PRELID2: variants seen among roughly 807,000 people sequenced by gnomAD.
PRELID2 encodes the protein PRELI domain-containing protein 2.
A neutral mutation model predicts 28.4 loss-of-function variants in PRELID2; 25 were observed. The observed-to-expected ratio is 0.88, with a 90% CI of 0.64 to 1.23. The LOEUF is 1.23. Among genes scored for constraint, PRELID2 ranks in the 50% most tolerant of loss-of-function variants. PRELID2 has a pLI of 0.00. For missense variants in PRELID2, 201 were observed against 214.4 expected, an observed-to-expected ratio of 0.94 and a Z score of 0.39; for synonymous variants, 76 against 71.6, an observed-to-expected ratio of 1.06 and a Z score of -0.31.
Position 145,811,082 on chromosome 5 carries a change from C to CAAA in PRELID2, c.368+6809_368+6811dup, listed in dbSNP as rs56978118. On this transcript the variant is annotated intron_variant, in intron 4 of 6. Coordinates refer to ENST00000683046, the MANE Select transcript of PRELID2 (RefSeq NM_205846.3). ...AAGGCACGTCTTACATGGCAGCAGG[C>CAAA]AAAAAAAAAAAAAAAAAAAAAAAAA... is the stretch of plus-strand genomic sequence containing the variant. Among the ~76,000 whole-genome samples the CAAA allele has an allele frequency of 1.5e-4, 4 of 26,752 alleles. 1 individual carries two copies. The highest frequency in any genetic ancestry group is 2.7e-4 in the Non-Finnish European group (4 of 14,784). The allele number at this position is 26,752 out of a possible 152,430, so 17.6% of individuals were successfully genotyped here.
chr5:145,430,689 C>T, the PRELID2 span, among the ~76,000 whole-genome samples: 11 of 152,136 alleles, frequency 7.2e-5, no homozygotes, highest in South Asian at 2.1e-4. Context: ...TTTCTTATAC[C>T]GAATGTGGTA....
chr5:145,360,417 G>T, the PRELID2 span, among the ~76,000 whole-genome samples: 1 of 152,104 alleles, frequency 6.6e-6, no homozygotes, highest in South Asian at 2.1e-4. Flanking sequence ...CCACAGAGAT[G>T]CAAGAAAGGA....
chr5:145,232,777 C>T, the PRELID2 span, among the ~76,000 whole-genome samples: 1 of 152,004 alleles, frequency 6.6e-6, no homozygotes, highest in Non-Finnish European at 1.5e-5. Flanking sequence ...GTAATTTATT[C>T]TTTATTTCTG....
At chr5:145,719,311 C>A (rs1033347960) in intron 1 of PRELID2, among the ~76,000 whole-genome samples, 1 of 151,826 alleles carries the variant, frequency 6.6e-6, no homozygotes, top group Non-Finnish European at 1.5e-5. Flanking sequence ...AGAGTGACTG[C>A]AGGCTTTAAG....
At chr5:145,829,753 A>G (rs1755458559) in intron 1 of PRELID2, among the ~76,000 whole-genome samples, 1 of 152,246 alleles carries the variant, frequency 6.6e-6, no homozygotes, top group Admixed American at 6.5e-5. Flanking sequence ...CAGGAAGACA[A>G]AAGTGAAGAA....
the PRELID2 span, among the ~76,000 whole-genome samples, chr5:145,340,785 A>ATG: frequency 6.9e-6 from 1 of 144,564 alleles, no homozygotes; most frequent in Non-Finnish European, 1.5e-5. Context: ...ATATATATAT[A>ATG]TATATATATA....
chr5:145,267,486 CT>C, the PRELID2 span, among the ~76,000 whole-genome samples: 6 of 152,152 alleles, frequency 3.9e-5, no homozygotes, highest in African/African-American at 1.4e-4. Context: ...ATGACAGACT[CT>C]CATTCTTTTT....
At chr5:145,438,156 G>T in the PRELID2 span, among the ~76,000 whole-genome samples, 2 of 152,134 alleles carry the variant, frequency 1.3e-5, no homozygotes, top group Admixed American at 1.3e-4. Flanking sequence ...CAGAAAAAAA[G>T]TTCATTTAAA....
intron 1 of PRELID2, 38 bp downstream of exon 1, chr5:145,835,139 G>A: frequency 6.9e-7 from 1 of 1,445,644 alleles, no homozygotes; most frequent in Non-Finnish European, 9.5e-7. Flanking sequence ...AAGCAGCGGA[G>A]GCAGCGCGGG....
chr5:145,665,463 C>G (rs1318562367), intron 1 of PRELID2, among the ~76,000 whole-genome samples: 1 of 152,106 alleles, frequency 6.6e-6, no homozygotes, highest in Non-Finnish European at 1.5e-5. Context: ...TCTAAGTCAA[C>G]TTTTCTGCTT....
chr5:145,504,226 A>G (rs373528720), intron 1 of PRELID2, among the ~76,000 whole-genome samples: 1 of 152,192 alleles, frequency 6.6e-6, no homozygotes, highest in Non-Finnish European at 1.5e-5. Flanking sequence ...GGCTGGATCA[A>G]CTTAACCTCA....
At chr5:145,609,788 T>A (rs1303810072) in intron 1 of PRELID2, among the ~76,000 whole-genome samples, 1 of 152,150 alleles carries the variant, frequency 6.6e-6, no homozygotes, top group Non-Finnish European at 1.5e-5. Context: ...TGGCTACCAG[T>A]GGCAGGGATG....
intron 1 of PRELID2, among the ~76,000 whole-genome samples, chr5:145,638,775 T>TA (rs1320242420): frequency 4.6e-5 from 7 of 152,226 alleles, no homozygotes; most frequent in Non-Finnish European, 1.0e-4. Flanking sequence ...TCATCATTTG[T>TA]AAAAAATAAA....
chr5:145,441,985 G>T, the PRELID2 span, among the ~76,000 whole-genome samples: 1 of 152,086 alleles, frequency 6.6e-6, no homozygotes, highest in Non-Finnish European at 1.5e-5. Context: ...CATAGGAGAT[G>T]GCATTGCCAA....
intron 1 of PRELID2, among the ~76,000 whole-genome samples, chr5:145,833,772 G>A (rs421582): frequency 0.7 from 106,930 of 152,108 alleles, 39,347 homozygotes; most frequent in Non-Finnish European, 0.83. Flanking sequence ...TTTGGCTTCC[G>A]GGTTGCATAT....
downstream of PRELID2, among the ~76,000 whole-genome samples, chr5:145,755,904 G>A (rs566091090): frequency 3.3e-5 from 5 of 152,192 alleles, no homozygotes; most frequent in East Asian, 5.8e-4. Flanking sequence ...AACAAGGCAC[G>A]GAAACCCACC....
chr5:145,240,239 T>A, the PRELID2 span, among the ~76,000 whole-genome samples: 1 of 150,750 alleles, frequency 6.6e-6, no homozygotes, highest in Admixed American at 6.6e-5. Flanking sequence ...GCTTTATTGC[T>A]TTCTTTTTTT....
At chr5:145,271,429 T>C in the PRELID2 span, among the ~76,000 whole-genome samples, 1 of 152,002 alleles carries the variant, frequency 6.6e-6, no homozygotes, top group African/African-American at 2.4e-5. Flanking sequence ...TTGCCTAGGC[T>C]GGTTTCAAAC....
At chr5:145,241,950 A>T in the PRELID2 span, among the ~76,000 whole-genome samples, 1 of 152,006 alleles carries the variant, frequency 6.6e-6, no homozygotes, top group Non-Finnish European at 1.5e-5. Flanking sequence ...TTGCATAAAA[A>T]AAAAAGTTCC....
Sources: gnomAD v4.1 joint callset for allele counts (sites outside exome capture counted in the v4.1 genomes callset) on GRCh38, gnomAD v4.1.1 for gene constraint, MANE v1.5 for transcripts, NCBI Gene and HGNC (gene_info 2026-07-23, HGNC 2026-07-21) for gene names.